The following NRXN3 variants were observed in gnomAD, a reference collection of about 807,000 sequenced individuals.
NRXN3 encodes neurexin 3, also known as neurexin III.
Under a neutral mutation model 137.6 loss-of-function variants are expected in NRXN3, and 32 were observed. That is an observed-to-expected ratio of 0.23 (90% CI 0.18 to 0.31). NRXN3 has a LOEUF of 0.31. Ranked by LOEUF, NRXN3 falls within the 10% of genes least tolerant of loss-of-function variation. The probability of loss-of-function intolerance (pLI) is 1.00; values close to 1 mark genes in which losing one functional copy is unlikely to be tolerated. For missense variants in NRXN3, 1,574 were observed against 2,062.5 expected (o/e 0.76, Z 4.59); for synonymous variants, 798 against 784.5 (o/e 1.02, Z -0.29).
chr14:79,484,839 G>A (rs2096640947), intron 16 of NRXN3, among the ~76,000 whole-genome samples: 1 of 152,122 alleles, frequency 6.6e-6, no homozygotes, highest in Non-Finnish European at 1.5e-5. Context: ...AACATCTGGG[G>A]CCCACATATT....
chr14:78,804,637 T>C (rs1038892473), intron 9 of NRXN3, among the ~76,000 whole-genome samples: 18 of 152,328 alleles, frequency 1.2e-4, no homozygotes, highest in African/African-American at 4.3e-4. Context: ...GGATTTTCTC[T>C]TTCATTGTAA....
intron 15 of NRXN3, among the ~76,000 whole-genome samples, chr14:79,396,356 T>C (rs1274151350): frequency 6.6e-6 from 1 of 152,122 alleles, no homozygotes; most frequent in East Asian, 1.9e-4. Context: ...TATATATATA[T>C]ACAAATATAT....
At chr14:78,375,316 A>G (rs1334136438) in intron 4 of NRXN3, among the ~76,000 whole-genome samples, 7 of 152,218 alleles carry the variant, frequency 4.6e-5, no homozygotes, top group African/African-American at 1.4e-4. Flanking sequence ...GCACATATTT[A>G]TTTCCTCTTT....
At chr14:78,183,094 A>C (rs2153356970) in intron 1 of NRXN3, among the ~76,000 whole-genome samples, 1 of 152,292 alleles carries the variant, frequency 6.6e-6, no homozygotes, top group African/African-American at 2.4e-5. Flanking sequence ...GGGAGAACCC[A>C]GAATAAGGAT....
intron 4 of NRXN3, among the ~76,000 whole-genome samples, chr14:78,345,229 T>A (rs1435151974): frequency 6.6e-6 from 1 of 152,208 alleles, no homozygotes; most frequent in Non-Finnish European, 1.5e-5. Flanking sequence ...CCTTGCTTTA[T>A]TAGCTTTTGC....
intron 15 of NRXN3, among the ~76,000 whole-genome samples, chr14:79,017,288 C>T (rs1024614501): frequency 1.3e-5 from 2 of 151,804 alleles, no homozygotes; most frequent in African/African-American, 4.8e-5. Flanking sequence ...TGCCAAGCAA[C>T]TGGTTCTGTT....
intron 14 of NRXN3, among the ~76,000 whole-genome samples, chr14:78,982,151 A>G (rs1435472144): frequency 1.3e-5 from 2 of 152,238 alleles, no homozygotes; most frequent in Non-Finnish European, 1.5e-5. Context: ...GAGATTACTT[A>G]TGTGAGCTCT....
At chr14:78,645,801 A>G (rs559291330) in intron 5 of NRXN3, among the ~76,000 whole-genome samples, 1 of 152,066 alleles carries the variant, frequency 6.6e-6, no homozygotes, top group Admixed American at 6.5e-5. Context: ...AGCTTCGTAG[A>G]TTTTCCTCAT....
intron 8 of NRXN3, among the ~76,000 whole-genome samples, chr14:78,771,392 T>C (rs1040147558): frequency 2.6e-5 from 4 of 152,196 alleles, no homozygotes; most frequent in African/African-American, 9.7e-5. Context: ...GGCCCATCAC[T>C]GTATTATGAG....
intron 4 of NRXN3, among the ~76,000 whole-genome samples, chr14:78,479,873 G>A (rs2095443190): frequency 6.6e-6 from 1 of 152,140 alleles, no homozygotes; most frequent in Admixed American, 6.6e-5. Context: ...GGCTGGGCAT[G>A]GTGGTTCACG....
intron 16 of NRXN3, among the ~76,000 whole-genome samples, chr14:79,545,088 C>T (rs895270362): frequency 6.6e-6 from 1 of 152,136 alleles, no homozygotes; most frequent in African/African-American, 2.4e-5. Context: ...TTTTCTTTCT[C>T]ACTTATGTGT....
intron 4 of NRXN3, among the ~76,000 whole-genome samples, chr14:78,464,056 A>ATT: frequency 8.0e-6 from 1 of 125,106 alleles, no homozygotes; most frequent in South Asian, 2.6e-4. Context: ...TAATTAATTA[A>ATT]TTTTTTTTTT....
intron 8 of NRXN3, among the ~76,000 whole-genome samples, chr14:78,789,520 C>T (rs148167501): frequency 3.5e-4 from 54 of 152,260 alleles, no homozygotes; most frequent in African/African-American, 1.3e-3. Context: ...TCAGCAGTGT[C>T]GCTCTTGACA....
intron 15 of NRXN3, among the ~76,000 whole-genome samples, chr14:79,286,840 T>C (rs1476638810): frequency 1.3e-5 from 2 of 152,138 alleles, no homozygotes; most frequent in African/African-American, 4.8e-5. Context: ...TAAGTCACAA[T>C]GAATAAGTCA....
At chr14:78,701,676 T>C (rs2098280677) in intron 6 of NRXN3, among the ~76,000 whole-genome samples, 1 of 152,232 alleles carries the variant, frequency 6.6e-6, no homozygotes, top group African/African-American at 2.4e-5. Context: ...AGATACGCTT[T>C]GTTTGACCCA....
At chr14:78,620,568 G>T (rs1202285295) in intron 4 of NRXN3, among the ~76,000 whole-genome samples, 4 of 152,190 alleles carry the variant, frequency 2.6e-5, no homozygotes, top group Non-Finnish European at 4.4e-5. Context: ...CTCACCCAGA[G>T]TGGATGGTGT....
intron 15 of NRXN3, among the ~76,000 whole-genome samples, chr14:79,449,154 C>A (rs2096121540): frequency 6.6e-6 from 1 of 152,118 alleles, no homozygotes; most frequent in African/African-American, 2.4e-5. Context: ...ATCATGTCCG[C>A]CTCCTGCATC....
chr14:79,323,364 A>G (rs1405646411), intron 15 of NRXN3, among the ~76,000 whole-genome samples: 2 of 152,158 alleles, frequency 1.3e-5, no homozygotes, highest in African/African-American at 2.4e-5. Flanking sequence ...TAAAGGAGGA[A>G]TTAGCTGTGG....
chr14:79,743,492 G>A (rs894795069), intron 19 of NRXN3, among the ~76,000 whole-genome samples: 4 of 152,112 alleles, frequency 2.6e-5, no homozygotes, highest in Non-Finnish European at 5.9e-5. Flanking sequence ...ACAAACTTGG[G>A]CTAACAATGA....
Sources: gnomAD v4.1 joint callset for allele counts (sites outside exome capture counted in the v4.1 genomes callset) on GRCh38, gnomAD v4.1.1 for gene constraint, MANE v1.5 for transcripts, NCBI Gene and HGNC (gene_info 2026-07-23, HGNC 2026-07-21) for gene names.